PCDHGB7: variants seen among roughly 807,000 people sequenced by gnomAD.
PCDHGB7 encodes protocadherin gamma subfamily B, 7, also known as protocadherin gamma-B7.
A neutral mutation model predicts 61.4 loss-of-function variants in PCDHGB7; 37 were observed. The observed-to-expected ratio is 0.60, with a 90% CI of 0.46 to 0.79. PCDHGB7 has a LOEUF of 0.79. Among genes scored for constraint, PCDHGB7 ranks in the 30% least tolerant of loss-of-function variants. The probability of loss-of-function intolerance (pLI) is 0.00; values close to 1 mark genes in which losing one functional copy is unlikely to be tolerated. For synonymous variants in PCDHGB7, 464 were observed against 503.5 expected, an observed-to-expected ratio of 0.92 and a Z score of 1.05; for missense variants, 1,166 against 1,202.5, an observed-to-expected ratio of 0.97 and a Z score of 0.45.
At chr5:141,427,934 G>A (rs746648152) in intron 1 of PCDHGB7, 42 of 1,584,338 alleles carry the variant, frequency 2.7e-5, no homozygotes, top group Non-Finnish European at 3.6e-5. Context: ...GCATGTTGGT[G>A]GGCGACCTCA....
chr5:141,460,511 AT>A (rs937107682), intron 1 of PCDHGB7, among the ~76,000 whole-genome samples: 2 of 152,168 alleles, frequency 1.3e-5, no homozygotes, highest in African/African-American at 4.8e-5. Flanking sequence ...TGAGAAGGCT[AT>A]CTTTTCCCCA....
chr5:141,454,587 G>A (rs1000852095), intron 1 of PCDHGB7, among the ~76,000 whole-genome samples: 22 of 150,902 alleles, frequency 1.5e-4, no homozygotes, highest in African/African-American at 5.4e-4. Context: ...TGTATTTTTA[G>A]TAGAGACAGG....
At chr5:141,464,218 T>C (rs1464478430) in intron 1 of PCDHGB7, among the ~76,000 whole-genome samples, 1 of 150,958 alleles carries the variant, frequency 6.6e-6, no homozygotes, top group Non-Finnish European at 1.5e-5. Flanking sequence ...TGAGCTGAGA[T>C]TGCGCCACTG....
At chr5:141,459,218 C>T (rs2098963524) in intron 1 of PCDHGB7, among the ~76,000 whole-genome samples, 1 of 152,220 alleles carries the variant, frequency 6.6e-6, no homozygotes, top group South Asian at 2.1e-4. Context: ...TTCTCCAGCT[C>T]CAGGCAACAA....
intron 2 of PCDHGB7, among the ~76,000 whole-genome samples, chr5:141,499,879 G>C (rs1470090790): frequency 9.2e-5 from 14 of 151,952 alleles, no homozygotes. Flanking sequence ...GTACAAACAG[G>C]GTTTCGCCAT....
intron 1 of PCDHGB7, among the ~76,000 whole-genome samples, chr5:141,450,777 G>A (rs907160074): frequency 1.3e-5 from 2 of 150,004 alleles, no homozygotes; most frequent in East Asian, 2.0e-4. Context: ...ATGAGCCACC[G>A]TGCCCGGACC....
intron 1 of PCDHGB7, among the ~76,000 whole-genome samples, chr5:141,462,868 T>C (rs1232965498): frequency 6.6e-6 from 1 of 152,228 alleles, no homozygotes; most frequent in East Asian, 1.9e-4. Context: ...TTTGTCTTTC[T>C]TTAAGAACTA....
At chr5:141,488,620 C>A (rs1271344928) in intron 1 of PCDHGB7, among the ~76,000 whole-genome samples, 1 of 152,164 alleles carries the variant, frequency 6.6e-6, no homozygotes, top group East Asian at 1.9e-4. Context: ...CTAATCTTTT[C>A]TCTCACCTTA....
At position 141,477,592 on chromosome 5, in the gene PCDHGB7, T is replaced by G; in HGVS notation, c.2416-17215T>G. On this transcript the variant is annotated intron_variant, in intron 1 of 3. Coordinates refer to ENST00000398594, the MANE Select transcript of PCDHGB7 (RefSeq NM_018927.4). The surrounding 1 kb of genome is among the most constrained non-coding windows in gnomAD (Gnocchi z 4.9). ...CCGACGCCCCGCAGAATGCTCGGCT[T>G]TCTTTCTTTCTCTTGGAGCAAGGAG... The G allele has an allele frequency of 6.2e-7, 1 of 1,614,142 alleles. No homozygotes were observed. Among genetic ancestry groups the G allele is most frequent in the Non-Finnish European group, 8.5e-7 (1 of 1,180,014 alleles).
At position 141,421,819 on chromosome 5, in the gene PCDHGB7, G is replaced by C. The variant is rs752366104; in HGVS notation, c.2415+1545G>C. The C allele has an allele frequency of 3.8e-5, 61 of 1,613,688 alleles. No homozygotes were observed. Among genetic ancestry groups the C allele is most frequent in the Non-Finnish European group, 4.9e-5 (58 of 1,179,892 alleles). ...GGCCAAGAATCCAGAGCTAGTACTG[G>C]AGGGAAGCCTGGACCGAGAGAAAGA... On this transcript the variant is annotated intron_variant, in intron 1 of 3. Coordinates refer to ENST00000398594, the MANE Select transcript of PCDHGB7 (RefSeq NM_018927.4).
intron 1 of PCDHGB7, chr5:141,421,335 G>A (rs2096564985): frequency 1.2e-6 from 2 of 1,613,944 alleles, no homozygotes; most frequent in Non-Finnish European, 8.5e-7. Context: ...GATATTCGGT[G>A]CCAGAAGAGA....
chr5:141,494,878 T>A lies in PCDHGB7; in HGVS notation c.2474+13T>A. Reference sequence around the variant, plus strand: ...CCGGCACCAGCGGGTAGGTGACTGATTCTCCAGCCCACCCTCTTCTCTGCG... The same window carrying A: ...CCGGCACCAGCGGGTAGGTGACTGAATCTCCAGCCCACCCTCTTCTCTGCG... On this transcript the variant is annotated intron_variant, in intron 2 of 3. Coordinates refer to ENST00000398594, the MANE Select transcript of PCDHGB7 (RefSeq NM_018927.4). The A allele has an allele frequency of 6.2e-7, 1 of 1,614,072 alleles. No homozygotes were observed. The highest frequency in any genetic ancestry group is 8.5e-7 in the Non-Finnish European group (1 of 1,179,986).
At chr5:141,458,891 G>A (rs775720263) in intron 1 of PCDHGB7, among the ~76,000 whole-genome samples, 10 of 151,976 alleles carry the variant, frequency 6.6e-5, no homozygotes, top group South Asian at 2.1e-4. Context: ...CACACCATGC[G>A]CAGCTAATTT....
intron 1 of PCDHGB7, among the ~76,000 whole-genome samples, chr5:141,445,787 T>C (rs2098477657): frequency 1.3e-5 from 2 of 152,182 alleles, no homozygotes; most frequent in South Asian, 4.1e-4. Context: ...CTAGGGAGGC[T>C]AGAAACAGAA....
chr5:141,478,445 G>C (rs773567457), intron 1 of PCDHGB7: 1 of 1,613,570 alleles, frequency 6.2e-7, no homozygotes, highest in Non-Finnish European at 8.5e-7. Flanking sequence ...GAAGAAACCT[G>C]GTGCAGCCAG....
intron 1 of PCDHGB7, chr5:141,430,664 C>G (rs2154553866): frequency 8.3e-7 from 1 of 1,209,890 alleles, no homozygotes; most frequent in East Asian, 2.6e-5. Context: ...CGGAGGAGCT[C>G]TGACTTCCCA....
At chr5:141,455,270 A>T (rs2098818132) in intron 1 of PCDHGB7, among the ~76,000 whole-genome samples, 1 of 151,958 alleles carries the variant, frequency 6.6e-6, no homozygotes, top group South Asian at 2.1e-4. Context: ...CTTCCCATTG[A>T]TTATTAACAT....
intron 1 of PCDHGB7, among the ~76,000 whole-genome samples, chr5:141,463,088 C>T (rs768488458): frequency 6.6e-6 from 1 of 152,108 alleles, no homozygotes; most frequent in Non-Finnish European, 1.5e-5. Flanking sequence ...ATTTTCCAGC[C>T]CTATGTGACC....
At chr5:141,461,981 G>A (rs755173695) in intron 1 of PCDHGB7, among the ~76,000 whole-genome samples, 4 of 152,078 alleles carry the variant, frequency 2.6e-5, no homozygotes, top group Non-Finnish European at 5.9e-5. Context: ...ATGCCACCAC[G>A]CCAGGCTAAT....
Sources: allele counts gnomAD v4.1 joint callset (sites outside exome capture counted in the v4.1 genomes callset), GRCh38; gene constraint gnomAD v4.1.1; non-coding constraint Gnocchi (gnomAD v3.1); transcripts MANE v1.5; gene names NCBI Gene and HGNC (gene_info 2026-07-23, HGNC 2026-07-21).